RAPGEF4: variants seen among roughly 807,000 people sequenced by gnomAD.
RAPGEF4 encodes RAP guanine-nucleotide-exchange factor (GEF) 4.
RAPGEF4 carries 66 observed loss-of-function variants against 147.9 expected under a neutral mutation model. The observed-to-expected ratio is 0.45, with a 90% confidence interval of 0.37 to 0.55. The LOEUF (loss-of-function observed/expected upper bound fraction) is 0.55, where lower values mean the gene tolerates loss of function less well. Among genes scored for constraint, RAPGEF4 ranks in the 20% least tolerant of loss-of-function variants. The pLI is 0.00. For synonymous variants in RAPGEF4, 419 were observed against 442.7 expected (o/e 0.95, Z 0.67); for missense variants, 1,071 against 1,257.3 (o/e 0.85, Z 2.24).
At chr2:172,831,340 C>T (rs1430103690) in intron 4 of RAPGEF4, among the ~76,000 whole-genome samples, 1 of 125,112 alleles carries the variant, frequency 8.0e-6, no homozygotes, top group Non-Finnish European at 1.6e-5. Context: ...GCAATCTTGG[C>T]TCACTGCAAC....
At chr2:172,906,457 T>C (rs1559111586) in intron 4 of RAPGEF4, among the ~76,000 whole-genome samples, 1 of 152,248 alleles carries the variant, frequency 6.6e-6, no homozygotes. Context: ...CTGTTTTTAA[T>C]GCTTTTCTGG....
intron 9 of RAPGEF4, among the ~76,000 whole-genome samples, chr2:172,966,376 A>T (rs1277917183): frequency 6.6e-6 from 1 of 152,214 alleles, no homozygotes; most frequent in Admixed American, 6.5e-5. Context: ...ATGTGCATAC[A>T]TGTCACCTGG....
chr2:172,961,289 C>G (rs1689267402), intron 8 of RAPGEF4, 61 bp downstream of exon 8: 2 of 1,311,000 alleles, frequency 1.5e-6, no homozygotes, highest in Admixed American at 3.7e-5. Flanking sequence ...GAAAATGGAA[C>G]AAAAATGCTT....
intron 4 of RAPGEF4, among the ~76,000 whole-genome samples, chr2:172,835,874 A>T (rs1274193967): frequency 6.6e-6 from 1 of 152,218 alleles, no homozygotes; most frequent in Non-Finnish European, 1.5e-5. Flanking sequence ...AGAAAGAACT[A>T]AGACTAGCGA....
At chr2:172,866,572 A>G (rs973172357) in intron 4 of RAPGEF4, among the ~76,000 whole-genome samples, 3 of 152,040 alleles carry the variant, frequency 2.0e-5, no homozygotes, top group Non-Finnish European at 4.4e-5. Flanking sequence ...ATACATACAT[A>G]CTATTGACTC....
At chr2:172,878,597 T>G (rs1404970717) in intron 4 of RAPGEF4, among the ~76,000 whole-genome samples, 1 of 152,182 alleles carries the variant, frequency 6.6e-6, no homozygotes, top group East Asian at 1.9e-4. Flanking sequence ...AGAACTTTAT[T>G]CTTTTGGAGA....
At chr2:172,757,728 C>T (rs1695912820) in intron 1 of RAPGEF4, among the ~76,000 whole-genome samples, 1 of 152,182 alleles carries the variant, frequency 6.6e-6, no homozygotes, top group Admixed American at 6.5e-5. Context: ...CCTTTGTAAA[C>T]TTGCTTGCTA....
intron 4 of RAPGEF4, among the ~76,000 whole-genome samples, chr2:172,833,267 T>G (rs1690572317): frequency 6.6e-6 from 1 of 151,346 alleles, no homozygotes; most frequent in Non-Finnish European, 1.5e-5. Context: ...TGGGTTTTTT[T>G]TTTTTTTTTT....
At chr2:172,984,447 G>A (rs1295346956) in intron 11 of RAPGEF4, among the ~76,000 whole-genome samples, 1 of 152,150 alleles carries the variant, frequency 6.6e-6, no homozygotes, top group African/African-American at 2.4e-5. Context: ...CCAAGCAAGA[G>A]GGCTTCAAGT....
At chr2:172,769,083 C>A (rs151000894) in intron 1 of RAPGEF4, among the ~76,000 whole-genome samples, 1 of 152,102 alleles carries the variant, frequency 6.6e-6, no homozygotes, top group Non-Finnish European at 1.5e-5. Flanking sequence ...GAGAACTAGA[C>A]CTAGGTTAAG....
rs113995373 is a variant in RAPGEF4 at position 172,826,738 on chromosome 2, G to A, written c.444+12313G>A. ...TCCCAGCACTTTGGGAGGGTGATGC[G>A]AGCAGATTTCTTGAGCCTAGGAGTT... On this transcript the variant is annotated intron_variant, in intron 4 of 30. Transcript: ENST00000397081. 4.6e-3 allele frequency among the ~76,000 whole-genome samples: 695 copies of A among 152,202 alleles called. 7 individuals are homozygous for A. Among genetic ancestry groups the A allele is most frequent in the African/African-American group, 0.016 (671 of 41,534 alleles).
At chr2:172,807,956 C>T (rs1863169) in intron 3 of RAPGEF4, among the ~76,000 whole-genome samples, 94,594 of 152,166 alleles carry the variant, frequency 0.62, 29,970 homozygotes, top group East Asian at 0.93. Context: ...AATTACAGTA[C>T]AATTTTTAGA....
rs370252015 is a variant in RAPGEF4, at chr2:172,965,696, C to T, written c.820+13C>T. 2.2e-5 allele frequency: 35 copies of T among 1,613,998 alleles called. No individual in the cohort carries two copies. Among genetic ancestry groups the T allele is most frequent in the Middle Eastern group, 3.3e-4 (2 of 6,084 alleles). On this transcript the variant is annotated intron_variant, in intron 9 of 30. Transcript: ENST00000397081. ...GTTCTCAACCACGGTAAGATGAGCC[C>T]CAGTCCCTGGAAACCTCTCAAGAAA...
intron 4 of RAPGEF4, among the ~76,000 whole-genome samples, chr2:172,875,590 C>G (rs1020108395): frequency 6.6e-6 from 1 of 152,138 alleles, no homozygotes; most frequent in Non-Finnish European, 1.5e-5. Context: ...GGGCTCTGTT[C>G]TGTTCCATTG....
chr2:172,738,423 G>A (rs1378694974), intron 1 of RAPGEF4, among the ~76,000 whole-genome samples: 3 of 152,156 alleles, frequency 2.0e-5, no homozygotes, highest in Non-Finnish European at 4.4e-5. Flanking sequence ...TGCTTTAATG[G>A]AGATGTATAA....
intron 15 of RAPGEF4, among the ~76,000 whole-genome samples, chr2:172,994,752 G>GCCCT (rs1693156873): frequency 1.3e-5 from 2 of 152,140 alleles, no homozygotes; most frequent in African/African-American, 4.8e-5. Flanking sequence ...TTATAAATAT[G>GCCCT]CCCTCTTCTT....
At chr2:172,974,911 A>C (rs1410576044) in intron 10 of RAPGEF4, among the ~76,000 whole-genome samples, 3 of 152,072 alleles carry the variant, frequency 2.0e-5, no homozygotes, top group African/African-American at 7.2e-5. Flanking sequence ...TTATGTCCTG[A>C]GTTTTACTAT....
At chr2:172,739,627 T>C (rs1222412674) in intron 1 of RAPGEF4, among the ~76,000 whole-genome samples, 14 of 152,230 alleles carry the variant, frequency 9.2e-5, no homozygotes. Flanking sequence ...CGCCTTGGCC[T>C]CCCAAAGTGC....
intron 4 of RAPGEF4, among the ~76,000 whole-genome samples, chr2:172,882,345 C>A (rs998154262): frequency 1.3e-5 from 2 of 152,172 alleles, no homozygotes; most frequent in Admixed American, 1.3e-4. Context: ...CATGTTGAGA[C>A]CTTGAGTTTG....
Sources: allele counts gnomAD v4.1 joint callset (sites outside exome capture counted in the v4.1 genomes callset), GRCh38; gene constraint gnomAD v4.1.1; transcripts MANE v1.5; gene names NCBI Gene and HGNC (gene_info 2026-07-23, HGNC 2026-07-21).